MORN1: variants seen among roughly 807,000 people sequenced by gnomAD.
The protein encoded by MORN1 is MORN repeat containing 1.
Under a neutral mutation model 61.9 loss-of-function variants are expected in MORN1, and 67 were observed. The observed-to-expected ratio is 1.08, with a 90% CI of 0.89 to 1.33. The LOEUF is 1.33. Among genes scored for constraint, MORN1 ranks in the 40% most tolerant of loss-of-function variants. The probability of loss-of-function intolerance (pLI) is 0.00; values close to 1 mark genes in which losing one functional copy is unlikely to be tolerated. For missense variants in MORN1, 752 were observed against 691.2 expected (o/e 1.09, Z -0.99); for synonymous variants, 301 against 292.0 (o/e 1.03, Z -0.31).
chr1:2,390,741 C>A (rs1320636294), intron 1 of MORN1: 3 of 983,218 alleles, frequency 3.1e-6, no homozygotes, highest in South Asian at 9.4e-5. Context: ...CAGTTCCTAT[C>A]AAAACCTGCT....
chr1:2,353,674 G>C (rs906538880), intron 10 of MORN1, among the ~76,000 whole-genome samples: 1 of 152,234 alleles, frequency 6.6e-6, no homozygotes, highest in African/African-American at 2.4e-5. Flanking sequence ...AGGGCTCCTG[G>C]CCGGAGTCCC....
At chr1:2,347,385 C>T (rs567038182) in intron 10 of MORN1, among the ~76,000 whole-genome samples, 2 of 152,306 alleles carry the variant, frequency 1.3e-5, no homozygotes, top group South Asian at 4.1e-4. Flanking sequence ...CTGCCCCCTA[C>T]CCCCGATCAC....
chr1:2,366,921 G>A (rs745613607), intron 8 of MORN1, among the ~76,000 whole-genome samples: 3 of 151,884 alleles, frequency 2.0e-5, no homozygotes, highest in African/African-American at 4.8e-5. Flanking sequence ...CAAGGACATA[G>A]TATACATACA....
In MORN1 at chr1:2,334,802, G is replaced by A. The variant is rs551801870; in HGVS notation, c.1250+1667C>T. ...GCTGGGAGCAGACGCCGACCCCTCCGTTCTCTCAGGTGGAAAAGAACGAAA... is the reference window on the plus strand; with the variant it reads ...GCTGGGAGCAGACGCCGACCCCTCCATTCTCTCAGGTGGAAAAGAACGAAA... On this transcript the variant is annotated intron_variant, in intron 12 of 13. Coordinates refer to ENST00000378531, the MANE Select transcript of MORN1 (RefSeq NM_024848.3). This position sits in a 1 kb window ranked among gnomAD's most constrained non-coding sequence, Gnocchi z 5.4. 3.9e-5 allele frequency among the ~76,000 whole-genome samples: 6 copies of A among 152,358 alleles called. No individual in the cohort carries two copies. The highest frequency in any genetic ancestry group is 8.8e-5 in the Non-Finnish European group (6 of 68,030).
chr1:2,376,894 A>G (rs1018325514), intron 6 of MORN1: 1 of 152,064 alleles, frequency 6.6e-6, no homozygotes, highest in African/African-American at 2.4e-5. Context: ...TACCCCAAGC[A>G]GGAACGAGCA....
chr1:2,385,718 G>C, intron 5 of MORN1, 89 bp downstream of exon 5: 1 of 1,237,396 alleles, frequency 8.1e-7, no homozygotes, highest in Middle Eastern at 1.9e-4. Context: ...TCCCATGGCA[G>C]TCCTGTCTAC....
chr1:2,325,319 C>A (rs1409657110), intron 12 of MORN1, among the ~76,000 whole-genome samples: 2 of 145,924 alleles, frequency 1.4e-5, no homozygotes, highest in African/African-American at 5.1e-5. Flanking sequence ...TCTCTCCTTT[C>A]TTTCTCTAGA....
At chr1:2,383,954 C>T (rs1388705773) in intron 6 of MORN1, among the ~76,000 whole-genome samples, 1 of 152,240 alleles carries the variant, frequency 6.6e-6, no homozygotes, top group Non-Finnish European at 1.5e-5. Flanking sequence ...CTCCCAGACT[C>T]CACCGCAGAG....
chr1:2,347,029 T>G (rs1641534028), intron 10 of MORN1, among the ~76,000 whole-genome samples: 4 of 152,176 alleles, frequency 2.6e-5, no homozygotes, highest in African/African-American at 9.7e-5. Flanking sequence ...AGGGAGCTTC[T>G]TGGGACATGG....
intron 13 of MORN1, 179 bp downstream of exon 13, chr1:2,323,918 C>T (rs1640938761): frequency 6.1e-6 from 6 of 984,858 alleles, no homozygotes; most frequent in Non-Finnish European, 7.2e-6. Context: ...AAGCCACCAG[C>T]CCCCTTCCCA....
intron 5 of MORN1, 112 bp downstream of exon 5, chr1:2,385,695 C>T (rs1340025914): frequency 6.3e-6 from 6 of 950,060 alleles, no homozygotes; most frequent in Non-Finnish European, 8.3e-6. Context: ...GGGGCCGGAA[C>T]AGGCCCGGGG....
At chr1:2,369,538 T>A (rs1221769707) in intron 8 of MORN1, among the ~76,000 whole-genome samples, 1 of 151,820 alleles carries the variant, frequency 6.6e-6, no homozygotes, top group Non-Finnish European at 1.5e-5. Context: ...ATAGAGAAAA[T>A]CTTAAGGAAT....
At chr1:2,359,049 C>T (rs1348370116) in intron 8 of MORN1, among the ~76,000 whole-genome samples, 1 of 152,186 alleles carries the variant, frequency 6.6e-6, no homozygotes, top group Non-Finnish European at 1.5e-5. Context: ...CCTGCCCTAG[C>T]CTGGGGCTGG....
At chr1:2,332,864 G>A (rs771270365) in intron 12 of MORN1, 192 of 382,064 alleles carry the variant, frequency 5.0e-4, no homozygotes, top group Non-Finnish European at 9.3e-4. Context: ...CCCAGGCTGC[G>A]CCTCGAGGGG....
In MORN1 at chr1:2,334,495, A is replaced by C. The variant is rs2100248087; in HGVS notation, c.1250+1974T>G. On this transcript the variant is annotated intron_variant, in intron 12 of 13. Coordinates refer to ENST00000378531, the MANE Select transcript of MORN1 (RefSeq NM_024848.3). This position sits in a 1 kb window ranked among gnomAD's most constrained non-coding sequence, Gnocchi z 5.4. Reference sequence around the variant, plus strand: ...CAGGGTTTCCGCACCCAGAAGACGTAGTAAGGCCAGCTGCATGGAGAGGCG... The same window carrying C: ...CAGGGTTTCCGCACCCAGAAGACGTCGTAAGGCCAGCTGCATGGAGAGGCG... 6.6e-6 allele frequency among the ~76,000 whole-genome samples: 1 copy of C among 152,338 alleles called. No individual in the cohort carries two copies. Among genetic ancestry groups the C allele is most frequent in the South Asian group, 2.1e-4 (1 of 4,830 alleles).
At chr1:2,325,198 T>TCCCTCC (rs1557865376) in intron 12 of MORN1, among the ~76,000 whole-genome samples, 2 of 9,966 alleles carry the variant, frequency 2.0e-4, no homozygotes, top group African/African-American at 3.5e-4. Flanking sequence ...TTCACTTCCT[T>TCCCTCC]CTTTTTTTTC....
In MORN1 at chr1:2,372,500, G is replaced by A. The variant is rs762329727; in HGVS notation, c.726C>T (p.Asp242=). ...PFSVNVQLLQ[D]HGEIAKSESG... The stretch of plus-strand genomic sequence containing the variant: ...GCTTACTCTTGGCAATTTCCCCGTG[G>A]TCCTGCAGCAGCTGAACGTTCACCG... Residue 242 remains aspartate, a synonymous_variant, in exon 8 of 14, where the codon GAC becomes GAT. Coordinates refer to ENST00000378531, the MANE Select transcript of MORN1 (RefSeq NM_024848.3). The surrounding 1 kb of genome is among the most constrained non-coding windows in gnomAD (Gnocchi z 5.4). 6.2e-7 allele frequency: 1 copy of A among 1,613,640 alleles called. No homozygotes were observed. Among genetic ancestry groups the A allele is most frequent in the Non-Finnish European group, 8.5e-7 (1 of 1,179,818 alleles).
intron 4 of MORN1, 109 bp downstream of exon 4, chr1:2,387,310 T>C (rs955705028): frequency 4.9e-6 from 4 of 821,572 alleles, no homozygotes; most frequent in Non-Finnish European, 8.3e-6. Flanking sequence ...TTTCCAACCC[T>C]CTGAAGTCAG....
chr1:2,377,958 G>A (rs977254471), intron 6 of MORN1: 9 of 152,294 alleles, frequency 5.9e-5, no homozygotes, highest in South Asian at 2.1e-4. Context: ...CTCAGGCCAC[G>A]TCATGAGTGA....
Sources: allele counts gnomAD v4.1 joint callset (sites outside exome capture counted in the v4.1 genomes callset), GRCh38; gene constraint gnomAD v4.1.1; non-coding constraint Gnocchi (gnomAD v3.1); transcripts MANE v1.5; gene names NCBI Gene and HGNC (gene_info 2026-07-23, HGNC 2026-07-21).